The following SLC39A11 variants were observed in gnomAD, a reference collection of about 807,000 sequenced individuals.
The protein encoded by SLC39A11 is solute carrier family 39 member 11.
SLC39A11 carries 33 observed loss-of-function variants against 36.1 expected under a neutral mutation model. The ratio of observed to expected loss-of-function variants is 0.91; its 90% CI spans 0.69 to 1.22. SLC39A11 has a LOEUF of 1.22. Among genes scored for constraint, SLC39A11 ranks in the 50% most tolerant of loss-of-function variants. SLC39A11 has a pLI of 0.00. For missense variants in SLC39A11, 432 were observed against 430.3 expected (o/e 1.00, Z -0.03); for synonymous variants, 166 against 170.3 (o/e 0.97, Z 0.20).
intron 6 of SLC39A11, among the ~76,000 whole-genome samples, chr17:72,840,950 G>A (rs1231208149): frequency 2.6e-5 from 4 of 151,816 alleles, no homozygotes; most frequent in Admixed American, 6.6e-5. Flanking sequence ...AGCTACTGGC[G>A]AGGCTGAGGC....
At chr17:73,061,196 C>G (rs965584489) in intron 3 of SLC39A11, among the ~76,000 whole-genome samples, 3 of 152,118 alleles carry the variant, frequency 2.0e-5, no homozygotes, top group Non-Finnish European at 4.4e-5. Context: ...CCCGTCTCTA[C>G]TGAAAATACA....
chr17:72,866,145 G>A lies in SLC39A11; in HGVS notation c.431-16341C>T, dbSNP rs998025133. 3.0e-4 allele frequency among the ~76,000 whole-genome samples: 46 copies of A among 152,158 alleles called. 1 individual carries two copies. The highest frequency in any genetic ancestry group is 9.4e-4 in the African/African-American group (39 of 41,420). On this transcript the variant is annotated intron_variant, in intron 5 of 9. Transcript: ENST00000255559. ...TCTGTATTGACAGCCGCTCCCCATC[G>A]TTCACGTTACCACCTAAGCTCCACC...
chr17:73,046,926 G>C (rs908627415), intron 3 of SLC39A11, among the ~76,000 whole-genome samples: 1 of 152,036 alleles, frequency 6.6e-6, no homozygotes, highest in Admixed American at 6.6e-5. Context: ...GAGCAACAGA[G>C]TGTGACCCAG....
At chr17:72,776,982 T>C (rs1362011217) in intron 6 of SLC39A11, among the ~76,000 whole-genome samples, 1 of 152,116 alleles carries the variant, frequency 6.6e-6, no homozygotes. Flanking sequence ...TTTCATCTCA[T>C]AAGAGGGGGC....
intron 4 of SLC39A11, among the ~76,000 whole-genome samples, chr17:73,006,201 T>C (rs1401241684): frequency 6.6e-6 from 1 of 152,180 alleles, no homozygotes; most frequent in African/African-American, 2.4e-5. Context: ...TCCTTACCTG[T>C]TGGAGTTTTT....
chr17:72,813,700 T>C (rs1018937888), intron 6 of SLC39A11, among the ~76,000 whole-genome samples: 2 of 152,232 alleles, frequency 1.3e-5, no homozygotes, highest in African/African-American at 4.8e-5. Context: ...CCAGGGGCAC[T>C]TCTGCCAGGA....
chr17:72,841,718 G>A (rs572400017), intron 6 of SLC39A11, among the ~76,000 whole-genome samples: 59 of 152,252 alleles, frequency 3.9e-4, no homozygotes, highest in Admixed American at 2.2e-3. Context: ...TGGTAACACA[G>A]AGGATAAATG....
rs942465432 is a variant in SLC39A11, at chr17:73,030,388, T to C, written c.306+1168A>G. ...TACATTAGCCCAGGACCTAGAGGCA[T>C]AGTTCCTGGGAATCGTTATAGTTAC... On this transcript the variant is annotated intron_variant, in intron 4 of 9. Coordinates refer to ENST00000255559, the MANE Select transcript of SLC39A11 (RefSeq NM_139177.4). Among the ~76,000 whole-genome samples the C allele has an allele frequency of 5.4e-4, 82 of 152,232 alleles. 1 individual carries two copies. The highest frequency in any genetic ancestry group is 5.4e-3 in the Admixed American group (82 of 15,286).
intron 6 of SLC39A11, among the ~76,000 whole-genome samples, chr17:72,808,283 T>C (rs1416349968): frequency 1.3e-5 from 2 of 152,206 alleles, no homozygotes; most frequent in Non-Finnish European, 2.9e-5. Context: ...TGAAACTGCC[T>C]TTGCAAAGAA....
chr17:72,822,480 AG>A, intron 6 of SLC39A11, among the ~76,000 whole-genome samples: 1 of 151,026 alleles, frequency 6.6e-6, no homozygotes, highest in Non-Finnish European at 1.5e-5. Context: ...TGCAAATATT[AG>A]GGGCGGGTCT....
chr17:72,732,300 C>T (rs989722948), intron 7 of SLC39A11, among the ~76,000 whole-genome samples: 6 of 152,004 alleles, frequency 3.9e-5, no homozygotes, highest in African/African-American at 1.4e-4. Flanking sequence ...AGGCGTGAGC[C>T]ACGGCACCTG....
At position 72,849,703 on chromosome 17, in the gene SLC39A11, G is replaced by A. The variant is rs1396759509; in HGVS notation, c.532C>T (p.Gln178Ter). The A allele has an allele frequency of 3.7e-6, 6 of 1,611,076 alleles. No individual in the cohort carries two copies. The Admixed American group carries it at 8.4e-5, about 23-fold the overall frequency. Residue 178 changes from glutamine to a stop codon, truncating the protein, a stop_gained, in exon 6 of 10, where the codon CAG (glutamine) becomes TAG (stop). Transcript: ENST00000255559. LOFTEE classifies it high-confidence loss of function. ...CTCCTCCAGCTGCTGCCGCCGGGCT[G>A]TGCCAGATTCCCTCGAGAAGGCACA... The part of the protein sequence containing the change: ...VPVPSRGNLA[Q>*]PGGSSWRRIA...
At chr17:72,887,050 C>A (rs2081471784) in intron 5 of SLC39A11, among the ~76,000 whole-genome samples, 1 of 152,334 alleles carries the variant, frequency 6.6e-6, no homozygotes, top group Non-Finnish European at 1.5e-5. Context: ...CCTGCAGAGC[C>A]AGATAACATT....
intron 6 of SLC39A11, among the ~76,000 whole-genome samples, chr17:72,738,760 G>A (rs1352351851): frequency 6.6e-6 from 1 of 152,214 alleles, no homozygotes; most frequent in Non-Finnish European, 1.5e-5. Flanking sequence ...TAAGAAGAGG[G>A]AAGACATAAA....
intron 4 of SLC39A11, among the ~76,000 whole-genome samples, chr17:72,957,617 G>A (rs1172460470): frequency 2.0e-5 from 3 of 152,202 alleles, no homozygotes; most frequent in African/African-American, 7.2e-5. Context: ...TCAAAAGTTC[G>A]AGAACAGTCT....
chr17:73,058,416 G>A (rs191721068), intron 3 of SLC39A11, among the ~76,000 whole-genome samples: 15 of 152,274 alleles, frequency 9.9e-5, no homozygotes, highest in East Asian at 1.9e-4. Flanking sequence ...TTCTGATCTC[G>A]TCTCCTGTGA....
intron 6 of SLC39A11, among the ~76,000 whole-genome samples, chr17:72,840,927 C>T (rs927688635): frequency 1.1e-4 from 16 of 148,368 alleles, no homozygotes; most frequent in African/African-American, 3.8e-4. Context: ...TGGTGGGGGG[C>T]GCCTGTAGTC....
chr17:73,048,834 T>C (rs2059403685), intron 3 of SLC39A11, among the ~76,000 whole-genome samples: 1 of 152,062 alleles, frequency 6.6e-6, no homozygotes, highest in Non-Finnish European at 1.5e-5. Context: ...AGAAAAGGGG[T>C]TGAATCAAAC....
At chr17:72,677,371 T>A (rs1345913708) in intron 7 of SLC39A11, among the ~76,000 whole-genome samples, 1 of 152,174 alleles carries the variant, frequency 6.6e-6, no homozygotes, top group Non-Finnish European at 1.5e-5. Context: ...TCACAGCAGA[T>A]GCTGCAAGGA....
Sources: allele counts gnomAD v4.1 joint callset (sites outside exome capture counted in the v4.1 genomes callset), GRCh38; gene constraint gnomAD v4.1.1; transcripts MANE v1.5; gene names NCBI Gene and HGNC (gene_info 2026-07-23, HGNC 2026-07-21).